Variants in TRAM2 observed in about 807,000 individuals in gnomAD.
TRAM2 encodes translocation associated membrane protein 2.
Under a neutral mutation model 51.0 loss-of-function variants are expected in TRAM2, and 12 were observed. The ratio of observed to expected loss-of-function variants is 0.24; its 90% CI spans 0.15 to 0.38. TRAM2 has a LOEUF of 0.38. Among genes scored for constraint, TRAM2 ranks in the 10% least tolerant of loss-of-function variants. The probability of loss-of-function intolerance (pLI) is 1.00; values close to 1 mark genes in which losing one functional copy is unlikely to be tolerated. For missense variants in TRAM2, 361 were observed against 462.0 expected (o/e 0.78, Z 2.00); for synonymous variants, 175 against 179.4 (o/e 0.98, Z 0.20).
intron 1 of TRAM2, among the ~76,000 whole-genome samples, chr6:52,544,324 T>A (rs1232171164): frequency 6.7e-6 from 1 of 149,248 alleles, no homozygotes; most frequent in South Asian, 2.2e-4. Context: ...AAATGTTAGA[T>A]GTGTGATCTC....
At chr6:52,511,841 T>A (rs1191957055) in intron 4 of TRAM2, among the ~76,000 whole-genome samples, 1 of 152,146 alleles carries the variant, frequency 6.6e-6, no homozygotes, top group Non-Finnish European at 1.5e-5. Context: ...AAGGAAATGA[T>A]CTCACTTCGA....
At chr6:52,521,274 G>T (rs916166994) in intron 2 of TRAM2, among the ~76,000 whole-genome samples, 5 of 152,058 alleles carry the variant, frequency 3.3e-5, no homozygotes, top group African/African-American at 9.7e-5. Flanking sequence ...TAATAAATTG[G>T]TTTGGCCCTG....
chr6:52,538,866 C>T (rs1767019422), intron 1 of TRAM2, among the ~76,000 whole-genome samples: 1 of 152,154 alleles, frequency 6.6e-6, no homozygotes, highest in African/African-American at 2.4e-5. Flanking sequence ...ACTGCAAACA[C>T]TGAATTAGTG....
intron 2 of TRAM2, among the ~76,000 whole-genome samples, chr6:52,532,960 G>A (rs1766917382): frequency 6.6e-6 from 1 of 151,672 alleles, no homozygotes; most frequent in Non-Finnish European, 1.5e-5. Flanking sequence ...AATGTATTTT[G>A]AAAAAGTGTT....
chr6:52,516,632 A>G lies in TRAM2; in HGVS notation c.290T>C (p.Leu97Ser). The change falls in exon 3 of 11, where the codon TTA becomes TCA. Residue 97 changes from leucine (L) to serine (S), a missense_variant. Leu to Ser is a moderately radical substitution (Grantham distance 145). Coordinates refer to ENST00000182527, the MANE Select transcript of TRAM2 (RefSeq NM_012288.4). ...GAATCCAGACATGTCACTTACATCT[A>G]AAATGTACTCCTGAACCACAGCATG... ...ILHAVVQEYI[L>S]DKISKRLHLS... The G allele has an allele frequency of 6.2e-7, 1 of 1,612,878 alleles. No homozygotes were observed. The highest frequency in any genetic ancestry group is 8.5e-7 in the Non-Finnish European group (1 of 1,178,872).
chr6:52,522,455 G>A (rs1766695602), intron 2 of TRAM2, among the ~76,000 whole-genome samples: 1 of 152,250 alleles, frequency 6.6e-6, no homozygotes, highest in South Asian at 2.1e-4. Context: ...TAAAAACACT[G>A]CATGGGCCAA....
intron 1 of TRAM2, among the ~76,000 whole-genome samples, chr6:52,554,974 G>A (rs903891601): frequency 3.9e-5 from 6 of 151,924 alleles, no homozygotes; most frequent in Non-Finnish European, 2.9e-5. Flanking sequence ...TCAGCCTCCC[G>A]AAGTGCTGAG....
Position 52,499,940 on chromosome 6 carries a change from C to G in TRAM2, c.*3257G>C, listed in dbSNP as rs1766173590. On this transcript the variant is annotated 3_prime_UTR_variant, in exon 11 of 11. Coordinates refer to ENST00000182527, the MANE Select transcript of TRAM2 (RefSeq NM_012288.4). ...CCCCTACCTTCAAAAGGAACACATG[C>G]AATTTATTAATAGTGCAGCTATCAG... The G allele has an allele frequency of 6.6e-6, 1 of 152,302 alleles. No individual in the cohort carries two copies. Among genetic ancestry groups the G allele is most frequent in the African/African-American group, 2.4e-5 (1 of 41,554 alleles). The allele number at this position is 152,302 out of a possible 1,614,324, so 9.4% of individuals were successfully genotyped here.
chr6:52,566,163 G>T (rs115939482), intron 1 of TRAM2, among the ~76,000 whole-genome samples: 1 of 152,136 alleles, frequency 6.6e-6, no homozygotes, highest in East Asian at 1.9e-4. Flanking sequence ...TGATATGCAC[G>T]TTCAGGAGCA....
chr6:52,539,753 A>G (rs1208446542), intron 1 of TRAM2, among the ~76,000 whole-genome samples: 1 of 152,180 alleles, frequency 6.6e-6, no homozygotes, highest in African/African-American at 2.4e-5. Context: ...AAATGAACAC[A>G]GTGACTAAGC....
At chr6:52,547,529 A>G (rs1767227328) in intron 1 of TRAM2, among the ~76,000 whole-genome samples, 1 of 152,206 alleles carries the variant, frequency 6.6e-6, no homozygotes, top group Non-Finnish European at 1.5e-5. Context: ...CAAAAACAAA[A>G]TGAACATCCT....
chr6:52,526,566 T>G (rs950221918), intron 2 of TRAM2, among the ~76,000 whole-genome samples: 2 of 152,132 alleles, frequency 1.3e-5, no homozygotes, highest in Admixed American at 1.3e-4. Context: ...TTTTTGCATT[T>G]TTAATAGAGA....
chr6:52,503,332 G>T, intron 10 of TRAM2, 62 bp from the exon 11 acceptor site: 1 of 1,506,142 alleles, frequency 6.6e-7, no homozygotes, highest in African/African-American at 1.4e-5. Flanking sequence ...CAGAAGAGGG[G>T]AGGGTGGGGC....
chr6:52,525,529 G>C (rs572963136), intron 2 of TRAM2, among the ~76,000 whole-genome samples: 4 of 152,270 alleles, frequency 2.6e-5, no homozygotes, highest in African/African-American at 9.6e-5. Flanking sequence ...AAATATTTGG[G>C]CCAGGTGCAG....
chr6:52,542,280 A>ATTTT lies in TRAM2; in HGVS notation c.121-6435_121-6434insAAAA, dbSNP rs1247920817. ...TTTTTGGGTTTTTTTTTTTTTTAAA[A>ATTTT]AAAATAGTCTTTTAGCCTTTTTTCC... On this transcript the variant is annotated intron_variant, in intron 1 of 10. Transcript: ENST00000182527. Among the ~76,000 whole-genome samples the ATTTT allele has an allele frequency of 8.2e-3, 1,035 of 125,696 alleles. 10 individuals carry two copies. The highest frequency in any genetic ancestry group is 0.033 in the Middle Eastern group (8 of 246). 82.5% of individuals were successfully genotyped at this position (125,696 alleles called of 152,430 possible). A position where few individuals can be genotyped will look rare whatever the true frequency, so the allele number is the denominator to read the frequency against.
rs1319240125 is a variant in TRAM2, at chr6:52,500,221, G to A, written c.*2976C>T. 6.6e-6 allele frequency: 1 copy of A among 152,218 alleles called. No individual in the cohort carries two copies. Among genetic ancestry groups the A allele is most frequent in the Non-Finnish European group, 1.5e-5 (1 of 68,062 alleles). 9.4% of individuals were successfully genotyped at this position (152,218 alleles called of 1,614,324 possible). A position where few individuals can be genotyped will look rare whatever the true frequency, so the allele number is the denominator to read the frequency against. On this transcript the variant is annotated 3_prime_UTR_variant, in exon 11 of 11. Transcript: ENST00000182527. ...GGTGTCTGGCAGAGCCTTCACAAAT[G>A]GCTTGGCACTTTGGGGCAGGAGAGA...
At chr6:52,511,728 C>G (rs1049736071) in intron 4 of TRAM2, among the ~76,000 whole-genome samples, 1 of 152,200 alleles carries the variant, frequency 6.6e-6, no homozygotes, top group Non-Finnish European at 1.5e-5. Flanking sequence ...TAGTCCACGG[C>G]CCTAATCCCA....
intron 2 of TRAM2, among the ~76,000 whole-genome samples, chr6:52,526,951 T>A (rs1429199886): frequency 1.3e-5 from 2 of 152,114 alleles, no homozygotes; most frequent in Non-Finnish European, 2.9e-5. Flanking sequence ...GAAAAAATAA[T>A]CTCTCAAGAA....
chr6:52,545,917 C>T (rs1767190494), intron 1 of TRAM2, among the ~76,000 whole-genome samples: 1 of 152,162 alleles, frequency 6.6e-6, no homozygotes, highest in African/African-American at 2.4e-5. Flanking sequence ...CACCCAGCAC[C>T]ACCATCCCAG....
Sources: allele counts gnomAD v4.1 joint callset (sites outside exome capture counted in the v4.1 genomes callset), GRCh38; gene constraint gnomAD v4.1.1; transcripts MANE v1.5; gene names NCBI Gene and HGNC (gene_info 2026-07-23, HGNC 2026-07-21).